The following CACHD1 variants were observed in gnomAD, a reference collection of about 807,000 sequenced individuals.
CACHD1 encodes VWFA and cache domain-containing protein 1.
Under a neutral mutation model 138.7 loss-of-function variants are expected in CACHD1, and 71 were observed. The observed-to-expected ratio is 0.51, with a 90% CI of 0.42 to 0.62. The LOEUF is 0.62. CACHD1 is among the 20% of genes least tolerant of loss of function. CACHD1 has a pLI of 0.00. For synonymous variants in CACHD1, 578 were observed against 591.5 expected (o/e 0.98, Z 0.33); for missense variants, 1,389 against 1,625.3 (o/e 0.85, Z 2.50).
chr1:64,516,321 G>A (rs1423927965), intron 1 of CACHD1, among the ~76,000 whole-genome samples: 1 of 152,136 alleles, frequency 6.6e-6, no homozygotes, highest in Non-Finnish European at 1.5e-5. Context: ...ATCCTATGAT[G>A]TTCAGTACAT....
intron 3 of CACHD1, among the ~76,000 whole-genome samples, chr1:64,588,755 TA>T (rs1647073440): frequency 6.6e-6 from 1 of 152,200 alleles, no homozygotes; most frequent in African/African-American, 2.4e-5. Flanking sequence ...TAGACGTTAC[TA>T]CCTGTTGGTA....
chr1:64,494,029 C>T (rs184911524), intron 1 of CACHD1, among the ~76,000 whole-genome samples: 5 of 152,216 alleles, frequency 3.3e-5, no homozygotes, highest in African/African-American at 1.2e-4. Context: ...TGGGAGGGAG[C>T]GGTGGGACAA....
chr1:64,623,515 G>C (rs544563976), intron 4 of CACHD1, among the ~76,000 whole-genome samples: 4 of 152,104 alleles, frequency 2.6e-5, no homozygotes, highest in Non-Finnish European at 2.9e-5. Flanking sequence ...GCAGCTCTCA[G>C]AGAATGTGTG....
At chr1:64,503,141 A>G (rs1219735345) in intron 1 of CACHD1, among the ~76,000 whole-genome samples, 1 of 152,180 alleles carries the variant, frequency 6.6e-6, no homozygotes, top group East Asian at 1.9e-4. Flanking sequence ...GTTTTCCAGA[A>G]GATGAAAGAC....
In CACHD1 at chr1:64,470,384, G is replaced by C. The variant is rs1453665688; in HGVS notation, c.-361G>C. ...AGCCGCGCGGCTCGGCTCGGGCTCCGACTCCGACTCCGATTCCGACTGTCA... is the reference window on the plus strand; with the variant it reads ...AGCCGCGCGGCTCGGCTCGGGCTCCCACTCCGACTCCGATTCCGACTGTCA... On this transcript the variant is annotated 5_prime_UTR_variant, in exon 1 of 27. Transcript: ENST00000651257. This position sits in a 1 kb window ranked among gnomAD's most constrained non-coding sequence, Gnocchi z 5.2. Among the ~76,000 whole-genome samples the C allele has an allele frequency of 6.6e-6, 1 of 151,628 alleles. No individual in the cohort carries two copies. Among genetic ancestry groups the C allele is most frequent in the Non-Finnish European group, 1.5e-5 (1 of 67,860 alleles).
intron 26 of CACHD1, among the ~76,000 whole-genome samples, chr1:64,687,892 AT>A (rs1557559342): frequency 6.6e-6 from 1 of 152,078 alleles, no homozygotes; most frequent in African/African-American, 2.4e-5. Context: ...TTAAGAAAGA[AT>A]TTGCTAATGA....
In CACHD1 at chr1:64,614,291, T is replaced by C. The variant is rs186772552; in HGVS notation, c.517+11379T>C. Among the ~76,000 whole-genome samples, 668 of 152,296 alleles carry C rather than the reference T, an allele frequency of 4.4e-3. 6 individuals are homozygous for C. The Middle Eastern group carries it at 0.044, about 10-fold the overall frequency. Reference sequence around the variant, plus strand: ...AGACACCTGGCTGGACATCTGCCTATGTGTTGCTCTTCTTATTTGGTCTGG... The same window carrying C: ...AGACACCTGGCTGGACATCTGCCTACGTGTTGCTCTTCTTATTTGGTCTGG... On this transcript the variant is annotated intron_variant, in intron 4 of 26. Transcript: ENST00000651257.
In CACHD1 at chr1:64,682,037, G is replaced by A. The variant is rs748338922; in HGVS notation, c.3517G>A (p.Glu1173Lys). 5.0e-6 allele frequency: 8 copies of A among 1,613,896 alleles called. No homozygotes were observed. The Admixed American group carries it at 5.0e-5, about 10-fold the overall frequency. ...SNTRFIAAVIERHAHSPERRR... is the reference protein window; with the variant it reads ...SNTRFIAAVIKRHAHSPERRR... ...CACTCGGTTTATAGCTGCGGTCATC[G>A]AACGACATGCACACAGTCCAGAAAG... Residue 1173 changes from glutamate to lysine, a missense_variant, in exon 26 of 27, where the codon GAA becomes AAA. Around this residue, in one of 5 missense-constraint regions of CACHD1, gnomAD observed 250 missense variants for 292.9 expected, o/e 0.85. Transcript: ENST00000651257.
chr1:64,470,930 C>T lies in CACHD1; in HGVS notation c.186C>T (p.Val62=). 1 of 1,602,976 alleles carries T rather than the reference C, an allele frequency of 6.2e-7. No individual in the cohort carries two copies. Among genetic ancestry groups the T allele is most frequent in the South Asian group, 1.1e-5 (1 of 89,060 alleles). Residue 62 remains valine (V), a synonymous_variant, in exon 1 of 27, where the codon GTC becomes GTT. Coordinates refer to ENST00000651257, the MANE Select transcript of CACHD1 (RefSeq NM_020925.4). This position sits in a 1 kb window ranked among gnomAD's most constrained non-coding sequence, Gnocchi z 5.2. ...GGCTGGCGGCCGAGGAGCTGGGGGT[C>T]GTCACCATGCAGGTAAGTGGCCCCC... ...MRRLAAEELG[V]VTMQRIFNSF...
intron 1 of CACHD1, among the ~76,000 whole-genome samples, chr1:64,511,160 A>C (rs1391931917): frequency 1.3e-5 from 2 of 152,216 alleles, no homozygotes; most frequent in Non-Finnish European, 2.9e-5. Context: ...AGGTTTGCAA[A>C]TGAAGGAGAC....
chr1:64,681,979 C>T, intron 25 of CACHD1, 26 bp from the exon 26 acceptor site: 2 of 1,594,634 alleles, frequency 1.3e-6, no homozygotes, highest in Non-Finnish European at 1.7e-6. Flanking sequence ...ATAAGAGTGA[C>T]ATTAACTGTC....
intron 1 of CACHD1, among the ~76,000 whole-genome samples, chr1:64,537,453 GA>G (rs1175772344): frequency 4.6e-5 from 7 of 152,070 alleles, no homozygotes; most frequent in Non-Finnish European, 1.0e-4. Flanking sequence ...AAACAAGGGG[GA>G]AAAAATCACT....
chr1:64,560,711 T>C (rs1646832384), intron 2 of CACHD1, among the ~76,000 whole-genome samples: 1 of 152,164 alleles, frequency 6.6e-6, no homozygotes, highest in Non-Finnish European at 1.5e-5. Context: ...AGGTGGTTGA[T>C]AATGTTGTTC....
At chr1:64,638,514 A>G (rs768577792) in intron 7 of CACHD1, among the ~76,000 whole-genome samples, 4 of 152,152 alleles carry the variant, frequency 2.6e-5, no homozygotes, top group African/African-American at 2.4e-5. Context: ...GTAGATCTTT[A>G]ACTGACAGCA....
chr1:64,627,161 C>CT (rs917251617), intron 4 of CACHD1, among the ~76,000 whole-genome samples: 21 of 152,144 alleles, frequency 1.4e-4, no homozygotes, highest in African/African-American at 4.8e-4. Flanking sequence ...AATCCTAGTA[C>CT]TTTGAGAGGC....
At chr1:64,652,079 A>G (rs41302756) in intron 9 of CACHD1, 82 bp from the exon 10 acceptor site, 63,760 of 1,248,220 alleles carry the variant, frequency 0.051, 2,330 homozygotes, top group East Asian at 0.18. Context: ...AGAAGCCTTC[A>G]TGATTCACCG....
In CACHD1 at chr1:64,691,396, C is replaced by G; in HGVS notation, c.3660C>G (p.Val1220=). ...PCNNDPLSAG[V]DVGNHDEDLD... is the part of the protein sequence containing the mutation. ...ACAATGACCCCTTGTCAGCCGGGGT[C>G]GATGTGGGAAACCATGATGAGGACT... Residue 1220 remains valine, a synonymous_variant, in exon 27 of 27, where the codon GTC becomes GTG. Transcript: ENST00000651257. The G allele has an allele frequency of 6.2e-7, 1 of 1,614,076 alleles. No individual in the cohort carries two copies. Among genetic ancestry groups the G allele is most frequent in the Non-Finnish European group, 8.5e-7 (1 of 1,180,012 alleles).
At chr1:64,566,681 T>C (rs1179811633) in intron 2 of CACHD1, among the ~76,000 whole-genome samples, 1 of 151,984 alleles carries the variant, frequency 6.6e-6, no homozygotes, top group African/African-American at 2.4e-5. Flanking sequence ...ATGAGGCTTT[T>C]TTTTAAATGG....
chr1:64,495,819 CTGTG>C (rs1433061263), intron 1 of CACHD1, among the ~76,000 whole-genome samples: 2 of 151,864 alleles, frequency 1.3e-5, no homozygotes, highest in Non-Finnish European at 2.9e-5. Context: ...CAAGTTATGG[CTGTG>C]TCTCCTGCTT....
Sources: allele counts gnomAD v4.1 joint callset (sites outside exome capture counted in the v4.1 genomes callset), GRCh38; gene constraint gnomAD v4.1.1; regional missense constraint gnomAD v4.1.1; non-coding constraint Gnocchi (gnomAD v3.1); transcripts MANE v1.5; gene names NCBI Gene and HGNC (gene_info 2026-07-23, HGNC 2026-07-21).